PLXDC2: variants seen among roughly 807,000 people sequenced by gnomAD.
PLXDC2 encodes plexin domain containing 2, also known as plexin domain-containing protein 2.
Under a neutral mutation model 68.9 loss-of-function variants are expected in PLXDC2, and 40 were observed. That is an observed-to-expected ratio of 0.58 (90% CI 0.45 to 0.76). The LOEUF (loss-of-function observed/expected upper bound fraction) is 0.76, where lower values mean the gene tolerates loss of function less well. Among genes scored for constraint, PLXDC2 ranks in the 30% least tolerant of loss-of-function variants. PLXDC2 has a pLI of 0.00. For synonymous variants in PLXDC2, 243 were observed against 234.2 expected, an observed-to-expected ratio of 1.04 and a Z score of -0.34; for missense variants, 644 against 661.9, an observed-to-expected ratio of 0.97 and a Z score of 0.30.
At chr10:19,902,207 A>T (rs868341136) in intron 1 of PLXDC2, among the ~76,000 whole-genome samples, 22 of 152,170 alleles carry the variant, frequency 1.4e-4, no homozygotes, top group Middle Eastern at 3.4e-3. Context: ...GTTCTGTGAA[A>T]AATCATAGCA....
chr10:20,266,514 C>T (rs1344217221), intron 13 of PLXDC2, among the ~76,000 whole-genome samples: 2 of 152,022 alleles, frequency 1.3e-5, no homozygotes, highest in African/African-American at 4.8e-5. Context: ...TACTCCCAAT[C>T]AGTAAAAGCT....
chr10:19,898,959 G>A (rs1838111902), intron 1 of PLXDC2, among the ~76,000 whole-genome samples: 1 of 152,106 alleles, frequency 6.6e-6, no homozygotes, highest in Non-Finnish European at 1.5e-5. Context: ...TTTTACAACT[G>A]CTTAACACTT....
intron 9 of PLXDC2, among the ~76,000 whole-genome samples, chr10:20,202,816 G>C (rs545266145): frequency 2.0e-5 from 3 of 152,096 alleles, no homozygotes; most frequent in South Asian, 2.1e-4. Context: ...AAATACCAAA[G>C]TATCTAATAA....
chr10:20,110,121 G>T (rs886141319), intron 4 of PLXDC2, among the ~76,000 whole-genome samples: 3 of 152,232 alleles, frequency 2.0e-5, no homozygotes, highest in Non-Finnish European at 4.4e-5. Context: ...GCCTGGCAGG[G>T]ATGGAGACTG....
chr10:20,000,072 AACAATTCATTCGTCC>A (rs1324953387), intron 1 of PLXDC2, among the ~76,000 whole-genome samples: 4 of 152,208 alleles, frequency 2.6e-5, no homozygotes, highest in African/African-American at 7.2e-5. Context: ...AAAGACTGTC[AACAATTCATTCGTCC>A]ACTCATTCAG....
At chr10:20,213,738 A>T (rs1472711801) in intron 10 of PLXDC2, among the ~76,000 whole-genome samples, 1 of 152,116 alleles carries the variant, frequency 6.6e-6, no homozygotes, top group Non-Finnish European at 1.5e-5. Flanking sequence ...TTTTTCATGA[A>T]CAAGTACATG....
intron 9 of PLXDC2, among the ~76,000 whole-genome samples, chr10:20,209,128 G>T (rs910549942): frequency 1.3e-5 from 2 of 152,136 alleles, no homozygotes; most frequent in Non-Finnish European, 2.9e-5. Flanking sequence ...AGGAAACAGG[G>T]TTTGAGAGCA....
Position 20,284,937 on chromosome 10 carries a change from G to A in PLXDC2, c.*5118G>A, listed in dbSNP as rs1836132412. ...GAGATTTCAAGTTCTAGCCATTGCG[G>A]GGTCTTTGTGGTGTTTTCAATTTCT... On this transcript the variant is annotated 3_prime_UTR_variant, in exon 14 of 14. Transcript: ENST00000377252. 1 of 152,170 alleles carries A rather than the reference G, an allele frequency of 6.6e-6. No homozygotes were observed. The highest frequency in any genetic ancestry group is 2.4e-5 in the African/African-American group (1 of 41,438). The allele number at this position is 152,170 out of a possible 1,614,324, so 9.4% of individuals were successfully genotyped here. A position where few individuals can be genotyped will look rare whatever the true frequency, so the allele number is the denominator to read the frequency against.
chr10:20,171,523 G>C (rs1428680609), intron 7 of PLXDC2, among the ~76,000 whole-genome samples: 2 of 152,050 alleles, frequency 1.3e-5, no homozygotes, highest in Non-Finnish European at 2.9e-5. Flanking sequence ...AAGAAAGAGA[G>C]CATTGTACAA....
Position 20,280,756 on chromosome 10 carries a change from A to G in PLXDC2, c.*937A>G, listed in dbSNP as rs1437229205. The G allele has an allele frequency of 6.6e-6, 1 of 152,094 alleles. No homozygotes were observed. Among genetic ancestry groups the G allele is most frequent in the Admixed American group, 6.6e-5 (1 of 15,250 alleles). The allele number at this position is 152,094 out of a possible 1,614,324, so 9.4% of individuals were successfully genotyped here. On this transcript the variant is annotated 3_prime_UTR_variant, in exon 14 of 14. Coordinates refer to ENST00000377252, the MANE Select transcript of PLXDC2 (RefSeq NM_032812.9). Reference sequence around the variant, plus strand: ...GTTAAGGGATTTTAAACATATGATTATTTTTAATTTTATGCCTTTTCAGTA... The same window carrying G: ...GTTAAGGGATTTTAAACATATGATTGTTTTTAATTTTATGCCTTTTCAGTA...
chr10:19,837,404 G>GA (rs1264426480), intron 1 of PLXDC2, among the ~76,000 whole-genome samples: 1 of 40,336 alleles, frequency 2.5e-5, no homozygotes, highest in African/African-American at 8.3e-5. Context: ...GAGAGAGAGA[G>GA]AGAGAGTGTG....
At chr10:20,133,769 G>A (rs969474210) in intron 4 of PLXDC2, among the ~76,000 whole-genome samples, 2 of 152,176 alleles carry the variant, frequency 1.3e-5, no homozygotes, top group African/African-American at 2.4e-5. Context: ...GAAGTTTTCT[G>A]TTATTGTTTA....
intron 4 of PLXDC2, among the ~76,000 whole-genome samples, chr10:20,092,480 C>CAAAATCT (rs1241713462): frequency 6.6e-6 from 1 of 151,940 alleles, no homozygotes; most frequent in Non-Finnish European, 1.5e-5. Flanking sequence ...GAAAGGTTTT[C>CAAAATCT]AAAATTTAAA....
intron 1 of PLXDC2, among the ~76,000 whole-genome samples, chr10:19,887,743 A>G (rs1837876066): frequency 6.6e-6 from 1 of 152,232 alleles, no homozygotes; most frequent in Non-Finnish European, 1.5e-5. Context: ...ATAGTGGCAT[A>G]GACAGTATTT....
At chr10:20,137,440 A>G (rs967185872) in intron 4 of PLXDC2, among the ~76,000 whole-genome samples, 1 of 152,198 alleles carries the variant, frequency 6.6e-6, no homozygotes, top group African/African-American at 2.4e-5. Flanking sequence ...TGTGATTCCT[A>G]TGTCAATTTA....
At chr10:19,929,248 G>T (rs563312044) in intron 1 of PLXDC2, among the ~76,000 whole-genome samples, 5 of 151,682 alleles carry the variant, frequency 3.3e-5, no homozygotes, top group Non-Finnish European at 7.4e-5. Context: ...CAACAACAAC[G>T]AAAAGAACCC....
chr10:20,185,848 G>C (rs1834675309), intron 9 of PLXDC2, among the ~76,000 whole-genome samples: 2 of 151,798 alleles, frequency 1.3e-5, no homozygotes, highest in Admixed American at 1.3e-4. Context: ...ACAACTTTAG[G>C]CTTATTTTAA....
chr10:19,817,827 C>T (rs893860981), intron 1 of PLXDC2, among the ~76,000 whole-genome samples: 4 of 152,200 alleles, frequency 2.6e-5, no homozygotes, highest in African/African-American at 9.6e-5. Flanking sequence ...CATTGTCCTC[C>T]GCCTGCCAGC....
At chr10:19,932,518 C>G (rs1833655420) in intron 1 of PLXDC2, among the ~76,000 whole-genome samples, 1 of 152,194 alleles carries the variant, frequency 6.6e-6, no homozygotes, top group Non-Finnish European at 1.5e-5. Context: ...TTGTTTCACA[C>G]ACTATACAGC....
Sources: gnomAD v4.1 joint callset for allele counts (sites outside exome capture counted in the v4.1 genomes callset) on GRCh38, gnomAD v4.1.1 for gene constraint, MANE v1.5 for transcripts, NCBI Gene and HGNC (gene_info 2026-07-23, HGNC 2026-07-21) for gene names.